The following GRIK4 variants were observed in gnomAD, a reference collection of about 807,000 sequenced individuals.
GRIK4 encodes glutamate receptor ionotropic, kainate 4.
Under a neutral mutation model 104.9 loss-of-function variants are expected in GRIK4, and 40 were observed. The observed-to-expected ratio is 0.38, with a 90% CI of 0.30 to 0.50. GRIK4 has a LOEUF of 0.50. Ranked by LOEUF, GRIK4 falls within the 20% of genes least tolerant of loss-of-function variation. The probability of loss-of-function intolerance (pLI) is 0.93; values close to 1 mark genes in which losing one functional copy is unlikely to be tolerated. For synonymous variants in GRIK4, 485 were observed against 524.9 expected (o/e 0.92, Z 1.04); for missense variants, 1,047 against 1,308.1 (o/e 0.80, Z 3.08).
intron 16 of GRIK4, among the ~76,000 whole-genome samples, chr11:120,958,944 A>G (rs900856193): frequency 3.3e-5 from 5 of 152,166 alleles, no homozygotes; most frequent in African/African-American, 9.7e-5. Context: ...CTGAGGCAGG[A>G]GCAGGGAGAG....
chr11:120,815,580 G>A (rs970286917), intron 5 of GRIK4, 105 bp downstream of exon 5: 13 of 635,150 alleles, frequency 2.0e-5, no homozygotes, highest in Non-Finnish European at 3.2e-5. Context: ...TCAAGGCTGG[G>A]TTGGTATCAT....
chr11:120,714,992 G>A (rs1012001248), intron 3 of GRIK4, among the ~76,000 whole-genome samples: 2 of 152,240 alleles, frequency 1.3e-5, no homozygotes, highest in African/African-American at 4.8e-5. Flanking sequence ...ATGGGAGGAA[G>A]CAGGTGTTTG....
Position 120,549,686 on chromosome 11 carries a change from G to C in GRIK4, c.-159+37799G>C, listed in dbSNP as rs1456080397. 6.6e-6 allele frequency among the ~76,000 whole-genome samples: 1 copy of C among 152,192 alleles called. No homozygotes were observed. Among genetic ancestry groups the C allele is most frequent in the African/African-American group, 2.4e-5 (1 of 41,446 alleles). Reference sequence around the variant, plus strand: ...GACAAGCAGAGGCTGAGGGCGGGTCGTGGGCCCCTGGGAGATCTGGGGTGC... The same window carrying C: ...GACAAGCAGAGGCTGAGGGCGGGTCCTGGGCCCCTGGGAGATCTGGGGTGC... On this transcript the variant is annotated intron_variant, in intron 1 of 20. Coordinates refer to ENST00000527524, the MANE Select transcript of GRIK4 (RefSeq NM_014619.5). The surrounding 1 kb of genome is among the most constrained non-coding windows in gnomAD (Gnocchi z 4.7).
At chr11:120,718,104 G>T (rs1405054899) in intron 3 of GRIK4, among the ~76,000 whole-genome samples, 1 of 152,208 alleles carries the variant, frequency 6.6e-6, no homozygotes, top group South Asian at 2.1e-4. Context: ...TGCTTTGGGT[G>T]CTGAGAAGCC....
At position 120,874,106 on chromosome 11, in the gene GRIK4, T is replaced by C. The variant is rs1954694459; in HGVS notation, c.947T>C (p.Val316Ala). The C allele has an allele frequency of 1.2e-6, 2 of 1,613,916 alleles. No individual in the cohort carries two copies. Residue 316 changes from valine (V) to alanine (A), a missense_variant, in exon 10 of 21, where the codon GTG becomes GCG. Coordinates refer to ENST00000527524, the MANE Select transcript of GRIK4 (RefSeq NM_014619.5). ...CTGTTTGATGCTGTCTATGCTGTGGTGACTGCGGTGCAGGAACTGAACCGG... is the reference window on the plus strand; with the variant it reads ...CTGTTTGATGCTGTCTATGCTGTGGCGACTGCGGTGCAGGAACTGAACCGG... The part of the protein sequence containing the change: ...ALLFDAVYAV[V>A]TAVQELNRSQ...
At chr11:120,694,420 C>T (rs1950409938) in intron 3 of GRIK4, among the ~76,000 whole-genome samples, 1 of 152,128 alleles carries the variant, frequency 6.6e-6, no homozygotes, top group African/African-American at 2.4e-5. Flanking sequence ...AGTGGTTGAA[C>T]CTTTTGTTCA....
intron 1 of GRIK4, among the ~76,000 whole-genome samples, chr11:120,619,315 C>T (rs1254915844): frequency 6.6e-6 from 1 of 152,278 alleles, no homozygotes. Context: ...GCCTATACCC[C>T]CATTGCATCT....
chr11:120,847,409 G>A (rs1953876388), intron 8 of GRIK4, among the ~76,000 whole-genome samples: 1 of 152,224 alleles, frequency 6.6e-6, no homozygotes, highest in South Asian at 2.1e-4. Context: ...AAGTGATGAA[G>A]ATATGCACAG....
intron 3 of GRIK4, among the ~76,000 whole-genome samples, chr11:120,771,080 G>C (rs1565342488): frequency 6.6e-6 from 1 of 152,198 alleles, no homozygotes; most frequent in Non-Finnish European, 1.5e-5. Context: ...GTAATGGGTA[G>C]AGGCTGGAAG....
At chr11:120,833,778 GT>G (rs1445210289) in intron 7 of GRIK4, among the ~76,000 whole-genome samples, 2 of 149,592 alleles carry the variant, frequency 1.3e-5, no homozygotes, top group African/African-American at 4.8e-5. Context: ...TTTGATGTCT[GT>G]TTTTTTCTGC....
intron 9 of GRIK4, among the ~76,000 whole-genome samples, chr11:120,864,214 TTTA>T (rs1401002042): frequency 7.3e-6 from 1 of 136,922 alleles, no homozygotes; most frequent in Non-Finnish European, 1.6e-5. Flanking sequence ...TTTTTATTTA[TTTA>T]TTTATTTATT....
chr11:120,951,072 C>T (rs1285511845), intron 14 of GRIK4, among the ~76,000 whole-genome samples: 2 of 152,186 alleles, frequency 1.3e-5, no homozygotes, highest in African/African-American at 4.8e-5. Flanking sequence ...AGATAGATCA[C>T]GTGAGAGGTC....
intron 1 of GRIK4, among the ~76,000 whole-genome samples, chr11:120,578,843 T>G (rs1948524096): frequency 6.6e-6 from 1 of 152,108 alleles, no homozygotes; most frequent in African/African-American, 2.4e-5. Context: ...CCACAAATAC[T>G]CAGAGACGGA....
intron 11 of GRIK4, among the ~76,000 whole-genome samples, chr11:120,891,100 G>T (rs2134452661): frequency 6.6e-6 from 1 of 152,340 alleles, no homozygotes; most frequent in East Asian, 1.9e-4. Context: ...TGTGATTCTA[G>T]GCAGGAGTGA....
chr11:120,687,164 A>G (rs1234604533), intron 3 of GRIK4, among the ~76,000 whole-genome samples: 2 of 152,232 alleles, frequency 1.3e-5, no homozygotes, highest in Non-Finnish European at 1.5e-5. Flanking sequence ...AATAGAGTAG[A>G]TGACATTATC....
At position 120,673,726 on chromosome 11, in the gene GRIK4, G is replaced by C. The variant is rs149080751; in HGVS notation, c.82+13326G>C. ...GGTCAGACCTTTTTGTCTCAGTCTT[G>C]CAGGAGCCTGGAGACCGGAACCTGG... On this transcript the variant is annotated intron_variant, in intron 3 of 20. Coordinates refer to ENST00000527524, the MANE Select transcript of GRIK4 (RefSeq NM_014619.5). Among the ~76,000 whole-genome samples, 24 of 152,324 alleles carry C rather than the reference G, an allele frequency of 1.6e-4. No homozygotes were observed. In the East Asian group the frequency reaches 4.6e-3, roughly 29 times the overall value.
In GRIK4 at chr11:120,754,414, G is replaced by A. The variant is rs996351369; in HGVS notation, c.83-48279G>A. ...TCAAGGCTCATCCGGGTTGTAGCGT[G>A]TGTCAATAATTCATTTCCTTTCATG... On this transcript the variant is annotated intron_variant, in intron 3 of 20. Transcript: ENST00000527524. Among the ~76,000 whole-genome samples the A allele has an allele frequency of 1.3e-5, 2 of 152,198 alleles. 1 individual carries two copies. Among genetic ancestry groups the A allele is most frequent in the African/African-American group, 4.8e-5 (2 of 41,442 alleles).
At position 120,986,587 on chromosome 11, in the gene GRIK4, A is replaced by G. The variant is rs1179155478; in HGVS notation, c.*327A>G. On this transcript the variant is annotated 3_prime_UTR_variant, in exon 21 of 21. Coordinates refer to ENST00000527524, the MANE Select transcript of GRIK4 (RefSeq NM_014619.5). ...AGGGTGGGGGGTCCCTACCCAGACC[A>G]GTCCAATGAATTGGTGGAATCATCA... 2 of 250,496 alleles carry G rather than the reference A, an allele frequency of 8.0e-6. No individual in the cohort carries two copies. The highest frequency in any genetic ancestry group is 1.5e-5 in the Non-Finnish European group (2 of 133,734). 15.5% of individuals were successfully genotyped at this position (250,496 alleles called of 1,614,324 possible). A position where few individuals can be genotyped will look rare whatever the true frequency, so the allele number is the denominator to read the frequency against.
intron 3 of GRIK4, among the ~76,000 whole-genome samples, chr11:120,676,845 G>C (rs1317059083): frequency 6.6e-6 from 1 of 152,224 alleles, no homozygotes; most frequent in Non-Finnish European, 1.5e-5. Flanking sequence ...CTGGGTTTTA[G>C]GATGTGGGCA....
Sources: allele counts gnomAD v4.1 joint callset (sites outside exome capture counted in the v4.1 genomes callset), GRCh38; gene constraint gnomAD v4.1.1; non-coding constraint Gnocchi (gnomAD v3.1); transcripts MANE v1.5; gene names NCBI Gene and HGNC (gene_info 2026-07-23, HGNC 2026-07-21).